ABCB7: variants seen among roughly 807,000 people sequenced by gnomAD.
ABCB7 encodes the protein iron-sulfur clusters transporter ABCB7, mitochondrial.
Under a neutral mutation model 54.4 loss-of-function variants are expected in ABCB7, and 7 were observed. The ratio of observed to expected loss-of-function variants is 0.13; its 90% CI spans 0.07 to 0.24. The LOEUF (loss-of-function observed/expected upper bound fraction) is 0.24, where lower values mean the gene tolerates loss of function less well. Ranked by LOEUF, ABCB7 falls within the 10% of genes least tolerant of loss-of-function variation. ABCB7 has a pLI of 1.00. For missense variants in ABCB7, 356 were observed against 570.4 expected (o/e 0.62, Z 3.83); for synonymous variants, 218 against 207.1 (o/e 1.05, Z -0.45).
intron 6 of ABCB7, among the ~76,000 whole-genome samples, chrX:75,074,395 C>T (rs1040527432): frequency 8.9e-6 from 1 of 111,836 alleles, no homozygotes; most frequent in African/African-American, 3.2e-5. Context: ...CACTTATACA[C>T]TGCTGGTGGG....
chrX:75,117,948 C>T (rs1361134703), intron 1 of ABCB7, among the ~76,000 whole-genome samples: 1 of 112,121 alleles, frequency 8.9e-6, no homozygotes, highest in Non-Finnish European at 1.9e-5. Context: ...TGGTAAAAAT[C>T]ACTGTTTAGC....
chrX:75,135,855 C>G (rs1006675657), intron 1 of ABCB7, among the ~76,000 whole-genome samples: 1 of 110,812 alleles, frequency 9.0e-6, no homozygotes, highest in African/African-American at 3.3e-5. Flanking sequence ...CCATCTAAGA[C>G]AAACCCACAG....
intron 1 of ABCB7, among the ~76,000 whole-genome samples, chrX:75,122,861 GGTGTGTGTGTGTGTGT>G (rs58879235): frequency 3.2e-5 from 3 of 93,131 alleles, no homozygotes; most frequent in Non-Finnish European, 4.2e-5. Flanking sequence ...TTAAAATTGG[GGTGTGTGTGTGTGTGT>G]GTGTGTGTGT....
intron 3 of ABCB7, among the ~76,000 whole-genome samples, chrX:75,109,637 A>G (rs1055904685): frequency 1.8e-5 from 2 of 112,015 alleles, no homozygotes; most frequent in African/African-American, 6.5e-5. Context: ...TGATTTTGAA[A>G]GAAACTACTT....
intron 1 of ABCB7, among the ~76,000 whole-genome samples, chrX:75,145,305 A>C (rs937591808): frequency 9.0e-6 from 1 of 111,339 alleles, no homozygotes; most frequent in South Asian, 3.8e-4. Context: ...AATATCCTTA[A>C]TGAACACTAA....
At chrX:75,101,402 G>A (rs2081638559) in intron 3 of ABCB7, among the ~76,000 whole-genome samples, 2 of 110,192 alleles carry the variant, frequency 1.8e-5, no homozygotes, top group African/African-American at 6.6e-5. Context: ...CTTTTAGGCA[G>A]TTTATCGCAT....
At chrX:75,111,181 A>G (rs933014491) in intron 3 of ABCB7, among the ~76,000 whole-genome samples, 2 of 112,363 alleles carry the variant, frequency 1.8e-5, no homozygotes, top group East Asian at 5.6e-4. Context: ...TAAAACTTCT[A>G]CATGGCAGTT....
At chrX:75,055,746 G>A (rs1261880995) in intron 15 of ABCB7, among the ~76,000 whole-genome samples, 2 of 110,372 alleles carry the variant, frequency 1.8e-5, no homozygotes, top group African/African-American at 6.6e-5. Flanking sequence ...CTTCGTTCTA[G>A]TCTGTGTGTG....
intron 15 of ABCB7, among the ~76,000 whole-genome samples, chrX:75,059,521 A>C (rs1018233196): frequency 9.0e-6 from 1 of 111,087 alleles, no homozygotes; most frequent in Non-Finnish European, 1.9e-5. Context: ...ATTTATTAGA[A>C]GGGAAAAATA....
chrX:75,146,379 A>C (rs547944759), intron 1 of ABCB7, among the ~76,000 whole-genome samples: 1 of 112,341 alleles, frequency 8.9e-6, no homozygotes, highest in South Asian at 3.7e-4. Context: ...CTAAGAAAAA[A>C]GAATGAAGCT....
intron 4 of ABCB7, among the ~76,000 whole-genome samples, chrX:75,094,282 G>A (rs1275604219): frequency 2.7e-5 from 3 of 110,041 alleles, no homozygotes; most frequent in Non-Finnish European, 3.8e-5. Context: ...GATGGCAGTG[G>A]TTAGAGAATA....
chrX:75,112,764 TAGAGAACA>T, intron 3 of ABCB7, 114 bp downstream of exon 3: 1 of 542,071 alleles, frequency 1.8e-6, no homozygotes, highest in Admixed American at 2.8e-5. Context: ...TTTTTTTCAT[TAGAGAACA>T]TGCAGTTAGA....
intron 15 of ABCB7, among the ~76,000 whole-genome samples, chrX:75,059,075 A>G (rs951420744): frequency 1.8e-5 from 2 of 111,510 alleles, no homozygotes; most frequent in African/African-American, 3.3e-5. Context: ...AAACCACAAC[A>G]CTGAATACCC....
intron 4 of ABCB7, among the ~76,000 whole-genome samples, chrX:75,098,379 G>A (rs2081610012): frequency 9.0e-6 from 1 of 110,732 alleles, no homozygotes; most frequent in South Asian, 3.9e-4. Context: ...AAAACTCGAG[G>A]TCATCATTAT....
chrX:75,060,850 C>G (rs2081277055), intron 14 of ABCB7, among the ~76,000 whole-genome samples: 1 of 111,462 alleles, frequency 9.0e-6, no homozygotes, highest in South Asian at 3.7e-4. Flanking sequence ...ACTGCAGAAA[C>G]CTCTTTTTCA....
At chrX:75,112,803 A>T in intron 3 of ABCB7, 83 bp downstream of exon 3, 1 of 774,272 alleles carries the variant, frequency 1.3e-6, no homozygotes. Flanking sequence ...AAAATATTCT[A>T]GGATATTATA....
intron 1 of ABCB7, among the ~76,000 whole-genome samples, chrX:75,136,464 G>A (rs1202267156): frequency 1.8e-5 from 2 of 110,827 alleles, no homozygotes; most frequent in African/African-American, 3.3e-5. Flanking sequence ...AACTACCAAC[G>A]TTTTTCAAAG....
In ABCB7 at chrX:75,051,543, GA is replaced by G. The variant is rs1288311792; in HGVS notation, c.*1826del. On this transcript the variant is annotated 3_prime_UTR_variant, in exon 16 of 16. Transcript: ENST00000373394. ...AGCAAGTTCATACTGGAAAAGAGAA[GA>G]ACTTTCTAAGTGAATGTATAGCAAT... The G allele has an allele frequency of 8.9e-6, 1 of 112,339 alleles. No individual in the cohort carries two copies. The highest frequency in any genetic ancestry group is 3.2e-5 in the African/African-American group (1 of 30,958). 9.3% of individuals were successfully genotyped at this position (112,339 alleles called of 1,213,427 possible). A position where few individuals can be genotyped will look rare whatever the true frequency, so the allele number is the denominator to read the frequency against.
Position 75,156,189 on chromosome X carries a change from G to T in ABCB7, c.84C>A (p.Ile28=), listed in dbSNP as rs751537739. Residue 28 remains isoleucine, a synonymous_variant, in exon 1 of 16, where the codon ATC becomes ATA. Coordinates refer to ENST00000373394, the MANE Select transcript of ABCB7 (RefSeq NM_001271696.3). The part of the protein sequence containing the change: ...FEKRRHSAIL[I]RPLVSVSGSG... Reference sequence around the variant, plus strand: ...AGCCGCTAACAGAGACTAAAGGCCGGATCAGAATCGCGGAGTGCCGGCGCT... The same window carrying T: ...AGCCGCTAACAGAGACTAAAGGCCGTATCAGAATCGCGGAGTGCCGGCGCT... The T allele has an allele frequency of 1.7e-6, 2 of 1,206,107 alleles. No homozygotes were observed. Among genetic ancestry groups the T allele is most frequent in the Non-Finnish European group, 2.2e-6 (2 of 892,673 alleles).
Sources: gnomAD v4.1 joint callset for allele counts (sites outside exome capture counted in the v4.1 genomes callset) on GRCh38, gnomAD v4.1.1 for gene constraint, MANE v1.5 for transcripts, NCBI Gene and HGNC (gene_info 2026-07-23, HGNC 2026-07-21) for gene names.